Variants in EDARADD observed in about 807,000 individuals in gnomAD.
EDARADD encodes the protein EDAR associated via death domain, also known as ectodysplasin-A receptor-associated adapter protein.
Under a neutral mutation model 25.6 loss-of-function variants are expected in EDARADD, and 20 were observed. The observed-to-expected ratio is 0.78, with a 90% confidence interval of 0.55 to 1.14. The LOEUF (loss-of-function observed/expected upper bound fraction) is 1.14, where lower values mean the gene tolerates loss of function less well. EDARADD is among the 50% of genes most tolerant of loss of function. The probability of loss-of-function intolerance (pLI) is 0.00; values close to 1 mark genes in which losing one functional copy is unlikely to be tolerated. For missense variants in EDARADD, 225 were observed against 270.1 expected (o/e 0.83, Z 1.17); for synonymous variants, 86 against 94.4 (o/e 0.91, Z 0.52).
chr1:236,410,253 C>T (rs952599985), intron 2 of EDARADD, among the ~76,000 whole-genome samples: 20 of 152,034 alleles, frequency 1.3e-4, no homozygotes, highest in Non-Finnish European at 2.5e-4. Context: ...TCCCACCCTC[C>T]CCCCTTTTGG....
chr1:236,359,749 C>G (rs1667024196), intron 3 of EDARADD, among the ~76,000 whole-genome samples: 1 of 152,174 alleles, frequency 6.6e-6, no homozygotes, highest in South Asian at 2.1e-4. Flanking sequence ...GACTTACTCA[C>G]TATCATGAGA....
chr1:236,484,860 C>T lies in EDARADD; in HGVS notation c.*2211C>T, dbSNP rs148382568. The T allele has an allele frequency of 1.7e-3, 271 of 161,630 alleles. No homozygotes were observed. The highest frequency in any genetic ancestry group is 2.8e-3 in the Non-Finnish European group (204 of 73,744). The allele number at this position is 161,630 out of a possible 1,614,324, so 10.0% of individuals were successfully genotyped here. A position where few individuals can be genotyped will look rare whatever the true frequency, so the allele number is the denominator to read the frequency against. The stretch of plus-strand genomic sequence containing the variant: ...CCGGGGTGGCCACAGGCAAGATCCC[C>T]AGTGATTTTGTGCTCAAAATAAAAA... On this transcript the variant is annotated 3_prime_UTR_variant, in exon 6 of 6. Coordinates refer to ENST00000334232, the MANE Select transcript of EDARADD (RefSeq NM_145861.4). The surrounding 1 kb of genome is among the most constrained non-coding windows in gnomAD (Gnocchi z 4.1).
intron 3 of EDARADD, among the ~76,000 whole-genome samples, chr1:236,363,006 A>AAAATATATATATATATATATAT (rs1377112051): frequency 4.7e-5 from 2 of 42,948 alleles, no homozygotes; most frequent in African/African-American, 1.1e-4. Context: ...AAAAAAAAAA[A>AAAATATATATATATATATATAT]ATATATATAT....
intron 3 of EDARADD, among the ~76,000 whole-genome samples, chr1:236,379,347 C>G (rs12131390): frequency 0.096 from 14,433 of 150,748 alleles, 1,078 homozygotes; most frequent in East Asian, 0.3. Flanking sequence ...TCCAGCCTGG[C>G]TGCCAGAGCG....
At chr1:236,372,337 T>C (rs559967780) in intron 3 of EDARADD, among the ~76,000 whole-genome samples, 1 of 152,366 alleles carries the variant, frequency 6.6e-6, no homozygotes, top group African/African-American at 2.4e-5. Flanking sequence ...ATTACTGATG[T>C]TTCATATTTA....
rs535646177 is a variant in EDARADD, at chr1:236,475,901, A to G, written c.266-6366A>G. ...CTTTTCATAAACTCAGTTTAAAGAA[A>G]CTTTACAGGCCGGGCGCGGTGGCTC... On this transcript the variant is annotated intron_variant, in intron 5 of 5. Coordinates refer to ENST00000334232, the MANE Select transcript of EDARADD (RefSeq NM_145861.4). 7.9e-4 allele frequency among the ~76,000 whole-genome samples: 120 copies of G among 152,226 alleles called. 1 individual carries two copies. Among genetic ancestry groups the G allele is most frequent in the African/African-American group, 2.7e-3 (111 of 41,540 alleles).
At chr1:236,394,602 A>G in intron 1 of EDARADD, 97 bp downstream of exon 1, 1 of 1,048,290 alleles carries the variant, frequency 9.5e-7, no homozygotes, top group Non-Finnish European at 1.4e-6. Context: ...TTATACACTA[A>G]ATACTATTAT....
chr1:236,418,338 A>G (rs541659084), intron 3 of EDARADD, among the ~76,000 whole-genome samples: 2 of 151,608 alleles, frequency 1.3e-5, no homozygotes, highest in Non-Finnish European at 2.9e-5. Context: ...TTTGCCTCCC[A>G]GGCTCAAGCA....
intron 4 of EDARADD, among the ~76,000 whole-genome samples, chr1:236,443,128 G>A (rs553523971): frequency 3.9e-5 from 6 of 152,248 alleles, no homozygotes; most frequent in South Asian, 4.1e-4. Flanking sequence ...AGTCCCCACC[G>A]GCAAGAAGGC....
chr1:236,482,164 T>A, intron 5 of EDARADD, 103 bp from the exon 6 acceptor site: 11 of 1,281,136 alleles, frequency 8.6e-6, no homozygotes, highest in South Asian at 1.2e-5. Flanking sequence ...TAGTCTTCCA[T>A]ATGATGCTTT....
intron 3 of EDARADD, among the ~76,000 whole-genome samples, chr1:236,356,588 G>A (rs1666978149): frequency 6.6e-6 from 1 of 152,118 alleles, no homozygotes; most frequent in South Asian, 2.1e-4. Context: ...CATTTGCACA[G>A]TTAAAAACAA....
chr1:236,454,678 C>T (rs976688930), intron 4 of EDARADD, among the ~76,000 whole-genome samples: 1 of 152,190 alleles, frequency 6.6e-6, no homozygotes, highest in Non-Finnish European at 1.5e-5. Context: ...GATGAGGGAA[C>T]CTGGGACAGT....
chr1:236,378,006 G>C lies in EDARADD; in HGVS notation c.-6+27167G>C, dbSNP rs7519780. 4.9e-3 allele frequency among the ~76,000 whole-genome samples: 753 copies of C among 152,148 alleles called. 8 individuals are homozygous for C. Among genetic ancestry groups the C allele is most frequent in the African/African-American group, 0.016 (685 of 41,522 alleles). On this transcript the variant is annotated intron_variant, in intron 3 of 7. Coordinates refer to the EDARADD transcript ENST00000439430. ...TTCAGCAATGTGCTGTTAAGGTGTC[G>C]GGGGAGAGAAGCTTTCCCTAGTGCT...
At chr1:236,456,285 C>G (rs1035345718) in intron 4 of EDARADD, among the ~76,000 whole-genome samples, 4 of 152,200 alleles carry the variant, frequency 2.6e-5, no homozygotes, top group African/African-American at 7.2e-5. Flanking sequence ...TCTTCATTTA[C>G]CTACCTTCCC....
chr1:236,460,423 C>T (rs190987551), intron 4 of EDARADD, among the ~76,000 whole-genome samples: 2 of 152,006 alleles, frequency 1.3e-5, no homozygotes, highest in Admixed American at 6.6e-5. Context: ...TGGGCTCAGA[C>T]AATCCACCCA....
Position 236,484,290 on chromosome 1 carries a change from A to G in EDARADD, c.*1641A>G. 1 of 1,043,448 alleles carries G rather than the reference A, an allele frequency of 9.6e-7. No individual in the cohort carries two copies. The highest frequency in any genetic ancestry group is 1.3e-5 in the South Asian group (1 of 79,564). The allele number at this position is 1,043,448 out of a possible 1,614,324, so 64.6% of individuals were successfully genotyped here. On this transcript the variant is annotated 3_prime_UTR_variant, in exon 6 of 6. Transcript: ENST00000334232. This position sits in a 1 kb window ranked among gnomAD's most constrained non-coding sequence, Gnocchi z 4.1. ...CATGGTGCCTCATCATTCTGGGGAG[A>G]CTGAAAATACCTTCATCACTGACCT...
In EDARADD at chr1:236,395,347, G is replaced by C. The variant is rs528710136; in HGVS notation, c.61+842G>C. On this transcript the variant is annotated intron_variant, in intron 1 of 5. Coordinates refer to ENST00000334232, the MANE Select transcript of EDARADD (RefSeq NM_145861.4). This position sits in a 1 kb window ranked among gnomAD's most constrained non-coding sequence, Gnocchi z 6.9. ...GCCTTGCGTCCCAGCCCCGGGTCGC[G>C]GCACCCCGGCTCCCGCCCCGCGCCT... The C allele has an allele frequency of 1.3e-5, 17 of 1,323,896 alleles. No homozygotes were observed. Among genetic ancestry groups the C allele is most frequent in the Non-Finnish European group, 1.4e-5 (14 of 1,035,464 alleles). The allele number at this position is 1,323,896 out of a possible 1,614,324, so 82.0% of individuals were successfully genotyped here.
At chr1:236,357,738 G>C (rs1666996938) in intron 3 of EDARADD, among the ~76,000 whole-genome samples, 1 of 151,966 alleles carries the variant, frequency 6.6e-6, no homozygotes, top group South Asian at 2.1e-4. Flanking sequence ...CGAGACGTGA[G>C]GGATCTGCCC....
intron 3 of EDARADD, 37 bp from the exon 4 acceptor site, chr1:236,427,355 C>T (rs1558120729): frequency 6.9e-7 from 1 of 1,454,056 alleles, no homozygotes; most frequent in Non-Finnish European, 9.5e-7. Context: ...TAAAATCACA[C>T]TTTGTTTCTT....
Sources: allele counts gnomAD v4.1 joint callset (sites outside exome capture counted in the v4.1 genomes callset), GRCh38; gene constraint gnomAD v4.1.1; non-coding constraint Gnocchi (gnomAD v3.1); transcripts MANE v1.5; gene names NCBI Gene and HGNC (gene_info 2026-07-23, HGNC 2026-07-21).